The following SLC5A4 variants were observed in gnomAD, a reference collection of about 807,000 sequenced individuals.
SLC5A4 encodes solute carrier family 5 member 4.
In SLC5A4, 55 loss-of-function variants were observed where a neutral mutation model predicts 70.3. The observed-to-expected ratio is 0.78, with a 90% confidence interval of 0.63 to 0.98. The LOEUF is 0.98. SLC5A4 is among the 50% of genes least tolerant of loss of function. The pLI, the probability that SLC5A4 is intolerant of heterozygous loss-of-function variation, is 0.00. For synonymous variants in SLC5A4, 268 were observed against 305.7 expected (o/e 0.88, Z 1.29); for missense variants, 735 against 839.2 (o/e 0.88, Z 1.53).
chr22:32,240,646 A>T (rs1926460441), intron 5 of SLC5A4, among the ~76,000 whole-genome samples: 1 of 152,178 alleles, frequency 6.6e-6, no homozygotes, highest in Non-Finnish European at 1.5e-5. Context: ...AGCTGCCAAC[A>T]GATCATCTCT....
At chr22:32,318,352 C>T in the SLC5A4 span, among the ~76,000 whole-genome samples, 3 of 151,716 alleles carry the variant, frequency 2.0e-5, no homozygotes, top group South Asian at 2.1e-4. Context: ...CGTGTCTACT[C>T]GATGTCACCA....
At position 32,247,479 on chromosome 22, in the gene SLC5A4, CA is replaced by C; in HGVS notation, c.408del (p.Phe136LeufsTer22). 1 of 1,613,840 alleles carries C rather than the reference CA, an allele frequency of 6.2e-7. No homozygotes were observed. Among genetic ancestry groups the C allele is most frequent in the Non-Finnish European group, 8.5e-7 (1 of 1,179,738 alleles). ...MTMPEYLKKR[F>X]GGERLQVYLS... The stretch of plus-strand genomic sequence containing the variant: ...AGGTAGACCTGGAGTCGCTCCCCAC[CA>C]AACCGCTTCTTGAGATATTCCGGCA... On this transcript the variant is annotated frameshift_variant, in exon 5 of 15. Transcript: ENST00000266086. LOFTEE classifies it high-confidence loss of function.
At chr22:32,342,828 T>C in the SLC5A4 span, among the ~76,000 whole-genome samples, 6 of 152,210 alleles carry the variant, frequency 3.9e-5, no homozygotes, top group Non-Finnish European at 5.9e-5. Context: ...TCAAAAAATA[T>C]TCACTTCAAT....
At chr22:32,280,470 C>G in the SLC5A4 span, among the ~76,000 whole-genome samples, 1 of 152,110 alleles carries the variant, frequency 6.6e-6, no homozygotes, top group East Asian at 1.9e-4. Flanking sequence ...TCAACTTAGT[C>G]GACACTGCTC....
the SLC5A4 span, among the ~76,000 whole-genome samples, chr22:32,335,570 T>C: frequency 6.6e-6 from 1 of 152,186 alleles, no homozygotes; most frequent in Non-Finnish European, 1.5e-5. Context: ...TCATTTGCTC[T>C]CTGTGCCTAC....
At chr22:32,327,864 G>A in the SLC5A4 span, among the ~76,000 whole-genome samples, 3 of 152,182 alleles carry the variant, frequency 2.0e-5, no homozygotes, top group African/African-American at 7.2e-5. Context: ...TGCACTCTGA[G>A]GAATGCTCTC....
At chr22:32,224,028 C>T (rs552091461) in intron 13 of SLC5A4, among the ~76,000 whole-genome samples, 36 of 152,222 alleles carry the variant, frequency 2.4e-4, no homozygotes, top group African/African-American at 8.4e-4. Flanking sequence ...TCACGCCATT[C>T]TCCTGCCTCA....
At chr22:32,326,788 G>A in the SLC5A4 span, among the ~76,000 whole-genome samples, 1 of 152,196 alleles carries the variant, frequency 6.6e-6, no homozygotes, top group Non-Finnish European at 1.5e-5. Flanking sequence ...GGCTAGGCCT[G>A]CTGCCATCAC....
At chr22:32,255,813 C>A (rs1196660338), upstream of SLC5A4, among the ~76,000 whole-genome samples, 1 of 152,196 alleles carries the variant, frequency 6.6e-6, no homozygotes, top group Non-Finnish European at 1.5e-5. Flanking sequence ...TCCCACATTT[C>A]TCTGAAGTGG....
chr22:32,331,016 GGTGTGTGTGTGTGTTGGAGGCTC>G, the SLC5A4 span, among the ~76,000 whole-genome samples: 1 of 37,028 alleles, frequency 2.7e-5, no homozygotes, highest in South Asian at 1.1e-3. Context: ...TGGGGGCTCT[GGTGTGTGTGTGTGTTGGAGGCTC>G]TGGTGTGTGT....
chr22:32,222,619 T>C (rs1487071518), intron 13 of SLC5A4, among the ~76,000 whole-genome samples: 1 of 152,242 alleles, frequency 6.6e-6, no homozygotes, highest in Non-Finnish European at 1.5e-5. Context: ...ATATGTTTTC[T>C]AGTGTTCTTT....
At chr22:32,288,304 G>C in the SLC5A4 span, among the ~76,000 whole-genome samples, 1 of 152,120 alleles carries the variant, frequency 6.6e-6, no homozygotes, top group East Asian at 1.9e-4. Context: ...AGTTAGGTGG[G>C]GCCATGTGAC....
chr22:32,317,350 A>C, the SLC5A4 span, among the ~76,000 whole-genome samples: 3 of 151,938 alleles, frequency 2.0e-5, no homozygotes, highest in African/African-American at 4.9e-5. Context: ...AAAGAAAAGA[A>C]AGACAAACCT....
intron 7 of SLC5A4, among the ~76,000 whole-genome samples, chr22:32,236,982 G>A (rs1926098639): frequency 6.6e-6 from 1 of 152,150 alleles, no homozygotes; most frequent in African/African-American, 2.4e-5. Context: ...GGGATTACAA[G>A]CGTGAGCCAC....
chr22:32,329,609 G>C, the SLC5A4 span, among the ~76,000 whole-genome samples: 19 of 128,904 alleles, frequency 1.5e-4, no homozygotes, highest in Non-Finnish European at 8.6e-5. Context: ...TGGTGTGTGT[G>C]TTGGCTCTGG....
At position 32,218,690 on chromosome 22, in the gene SLC5A4, C is replaced by T. The variant is rs765701108; in HGVS notation, c.1804G>A (p.Ala602Thr). The T allele has an allele frequency of 1.2e-6, 2 of 1,613,996 alleles. No homozygotes were observed. Among genetic ancestry groups the T allele is most frequent in the Non-Finnish European group, 1.7e-6 (2 of 1,179,996 alleles). The change falls in exon 15 of 15, where the codon GCT becomes ACT. Residue 602 changes from alanine (A) to threonine (T), a missense_variant. Transcript: ENST00000266086. ...TGCAAACCGCAGAACAAGTCATAAG[C>T]TTTCTTGAGGCATCCACGTGATTTC... is the stretch of plus-strand genomic sequence containing the variant. ...PEKSRGCLKKAYDLFCGLQKG... is the reference protein window; with the variant it reads ...PEKSRGCLKKTYDLFCGLQKG...
chr22:32,340,904 G>A, the SLC5A4 span, among the ~76,000 whole-genome samples: 4 of 152,212 alleles, frequency 2.6e-5, no homozygotes, highest in Non-Finnish European at 5.9e-5. Context: ...TGGCATCAGG[G>A]AGACATGCGG....
rs1603234668 is a variant in SLC5A4, at chr22:32,247,411, A to G, written c.477T>C (p.Ser159=). The change falls in exon 5 of 15, where the codon TCT becomes TCC. Residue 159 remains serine (S), a splice_region_variant and synonymous_variant. Transcript: ENST00000266086. ...SLFICVVLLI[S]ADIFAGAIFI... ...AAATGCCAGGAGGCTCTGAACTCACAGAAATTAACAAAACCACACAGATGA... is the reference window on the plus strand; with the variant it reads ...AAATGCCAGGAGGCTCTGAACTCACGGAAATTAACAAAACCACACAGATGA... The G allele has an allele frequency of 1.9e-6, 3 of 1,605,464 alleles. No homozygotes were observed. The highest frequency in any genetic ancestry group is 2.6e-6 in the Non-Finnish European group (3 of 1,172,086).
chr22:32,247,080 CCTT>C (rs1334446413), intron 5 of SLC5A4, among the ~76,000 whole-genome samples: 1 of 152,146 alleles, frequency 6.6e-6, no homozygotes, highest in Non-Finnish European at 1.5e-5. Context: ...GCGACCAAGT[CCTT>C]CTCTTTACTA....
Sources: gnomAD v4.1 joint callset for allele counts (sites outside exome capture counted in the v4.1 genomes callset) on GRCh38, gnomAD v4.1.1 for gene constraint, MANE v1.5 for transcripts, NCBI Gene and HGNC (gene_info 2026-07-23, HGNC 2026-07-21) for gene names.